Variants in ZRANB3 observed in about 807,000 individuals in gnomAD.
The protein encoded by ZRANB3 is DNA annealing helicase and endonuclease ZRANB3.
A neutral mutation model predicts 133.8 loss-of-function variants in ZRANB3; 125 were observed. The ratio of observed to expected loss-of-function variants is 0.93; its 90% CI spans 0.81 to 1.08. The LOEUF is 1.08. Among genes scored for constraint, ZRANB3 ranks in the 50% least tolerant of loss-of-function variants. The pLI, the probability that ZRANB3 is intolerant of heterozygous loss-of-function variation, is 0.00. For missense variants in ZRANB3, 1,229 were observed against 1,275.5 expected (o/e 0.96, Z 0.56); for synonymous variants, 387 against 432.7 (o/e 0.89, Z 1.31).
intron 2 of ZRANB3, among the ~76,000 whole-genome samples, chr2:135,447,257 T>C (rs56135842): frequency 0.19 from 28,459 of 152,108 alleles, 3,541 homozygotes; most frequent in South Asian, 0.33. Flanking sequence ...CAGGCTGGTC[T>C]TGAACTCCTG....
At chr2:135,460,422 C>A (rs940434063) in intron 2 of ZRANB3, among the ~76,000 whole-genome samples, 41 of 152,096 alleles carry the variant, frequency 2.7e-4, no homozygotes, top group African/African-American at 9.2e-4. Flanking sequence ...CCACCACGCC[C>A]AGCTAATTTT....
At chr2:135,352,039 T>G (rs192826447) in intron 4 of ZRANB3, among the ~76,000 whole-genome samples, 2 of 152,142 alleles carry the variant, frequency 1.3e-5, no homozygotes, top group African/African-American at 2.4e-5. Context: ...AACATTTAAA[T>G]AAGGTTTATC....
intron 2 of ZRANB3, among the ~76,000 whole-genome samples, chr2:135,486,082 T>C (rs1166100104): frequency 6.6e-6 from 1 of 152,042 alleles, no homozygotes; most frequent in African/African-American, 2.4e-5. Context: ...CTAATCAAGG[T>C]GGTGGTTGCT....
At position 135,369,024 on chromosome 2, in the gene ZRANB3, C is replaced by T. The variant is rs138166801; in HGVS notation, c.181-15396G>A. 3.0e-3 allele frequency among the ~76,000 whole-genome samples: 450 copies of T among 151,872 alleles called. 3 individuals are homozygous for T. Among genetic ancestry groups the T allele is most frequent in the African/African-American group, 0.01 (419 of 41,456 alleles). ...TCACTTAGGACAGAGAAGAAAAAGGCTTTGGAGGGGTGAAAATAAAAAATA... is the reference window on the plus strand; with the variant it reads ...TCACTTAGGACAGAGAAGAAAAAGGTTTTGGAGGGGTGAAAATAAAAAATA... On this transcript the variant is annotated intron_variant, in intron 3 of 20. Coordinates refer to ENST00000264159, the MANE Select transcript of ZRANB3 (RefSeq NM_032143.4).
intron 3 of ZRANB3, among the ~76,000 whole-genome samples, chr2:135,375,501 T>C (rs925992335): frequency 7.9e-5 from 12 of 151,994 alleles, no homozygotes; most frequent in African/African-American, 2.4e-4. Flanking sequence ...CTGGCTAACA[T>C]GGTGAAACCC....
intron 12 of ZRANB3, among the ~76,000 whole-genome samples, chr2:135,254,661 C>G (rs1050243163): frequency 3.3e-5 from 5 of 152,122 alleles, no homozygotes; most frequent in Non-Finnish European, 5.9e-5. Context: ...ATCCATATAC[C>G]ATAAAATTCA....
At chr2:135,364,271 T>C (rs568911514) in intron 3 of ZRANB3, among the ~76,000 whole-genome samples, 1 of 152,318 alleles carries the variant, frequency 6.6e-6, no homozygotes, top group East Asian at 1.9e-4. Flanking sequence ...TTTTTGGCCA[T>C]TTCCTCATCA....
intron 3 of ZRANB3, among the ~76,000 whole-genome samples, chr2:135,371,554 C>G (rs2104899726): frequency 6.6e-6 from 1 of 152,244 alleles, no homozygotes; most frequent in African/African-American, 2.4e-5. Flanking sequence ...AGCAGGAGCT[C>G]TCAACAAAAT....
chr2:135,360,986 G>T (rs1029082330), intron 3 of ZRANB3, among the ~76,000 whole-genome samples: 6 of 152,094 alleles, frequency 3.9e-5, no homozygotes, highest in Non-Finnish European at 7.4e-5. Flanking sequence ...TCACTTTGTT[G>T]TCCAGGCTTG....
chr2:135,302,957 A>G (rs1682508088), intron 8 of ZRANB3, among the ~76,000 whole-genome samples: 1 of 152,228 alleles, frequency 6.6e-6, no homozygotes, highest in Non-Finnish European at 1.5e-5. Flanking sequence ...GCAAAAAACA[A>G]GAGAGTTATT....
chr2:135,421,512 AG>A (rs765414138), intron 2 of ZRANB3, among the ~76,000 whole-genome samples: 4 of 152,178 alleles, frequency 2.6e-5, no homozygotes, highest in African/African-American at 4.8e-5. Context: ...CCCCTTTTAT[AG>A]TAGCACTTTA....
intron 2 of ZRANB3, among the ~76,000 whole-genome samples, chr2:135,479,487 T>C (rs969196475): frequency 2.6e-5 from 4 of 151,970 alleles, no homozygotes; most frequent in Non-Finnish European, 5.9e-5. Context: ...ATACAAAAAT[T>C]AGCCAGACAT....
chr2:135,438,903 C>G (rs1165781555), intron 2 of ZRANB3, among the ~76,000 whole-genome samples: 1 of 152,120 alleles, frequency 6.6e-6, no homozygotes, highest in Non-Finnish European at 1.5e-5. Context: ...ATTTTGAAAA[C>G]TCTGCAGGTG....
chr2:135,467,128 C>T (rs897678802), intron 2 of ZRANB3, among the ~76,000 whole-genome samples: 1 of 152,172 alleles, frequency 6.6e-6, no homozygotes, highest in Non-Finnish European at 1.5e-5. Flanking sequence ...CTTCCGATGG[C>T]TTAATGTGTA....
chr2:135,447,161 C>T (rs1285083763), intron 2 of ZRANB3, among the ~76,000 whole-genome samples: 1 of 152,166 alleles, frequency 6.6e-6, no homozygotes. Context: ...TCTCCTGCCT[C>T]ATCCTCCTAG....
chr2:135,370,994 C>T (rs1686153674), intron 3 of ZRANB3, among the ~76,000 whole-genome samples: 1 of 152,158 alleles, frequency 6.6e-6, no homozygotes, highest in Non-Finnish European at 1.5e-5. Flanking sequence ...CTGCCATAAC[C>T]TTAAGCTTCT....
intron 19 of ZRANB3, among the ~76,000 whole-genome samples, chr2:135,203,630 A>AAG (rs1693726770): frequency 6.6e-6 from 1 of 151,840 alleles, no homozygotes; most frequent in African/African-American, 2.4e-5. Context: ...AAAAAAAAAA[A>AAG]AAAGAAATTT....
chr2:135,278,298 C>G (rs1021117646), intron 8 of ZRANB3, among the ~76,000 whole-genome samples: 2 of 152,060 alleles, frequency 1.3e-5, no homozygotes, highest in Middle Eastern at 6.8e-3. Context: ...TTCTCAATAC[C>G]AATACCAGAA....
intron 2 of ZRANB3, among the ~76,000 whole-genome samples, chr2:135,402,116 C>A (rs913567974): frequency 6.6e-6 from 1 of 151,554 alleles, no homozygotes; most frequent in Non-Finnish European, 1.5e-5. Flanking sequence ...TAACATAATA[C>A]AAAAATTTTA....
Sources: gnomAD v4.1 joint callset for allele counts (sites outside exome capture counted in the v4.1 genomes callset) on GRCh38, gnomAD v4.1.1 for gene constraint, MANE v1.5 for transcripts, NCBI Gene and HGNC (gene_info 2026-07-23, HGNC 2026-07-21) for gene names.